Variants in EIF2B5 observed in about 807,000 individuals in gnomAD.
EIF2B5 encodes eukaryotic translation initiation factor 2B subunit epsilon, also known as translation initiation factor eIF2B subunit epsilon.
A neutral mutation model predicts 87.3 loss-of-function variants in EIF2B5; 38 were observed. That is an observed-to-expected ratio of 0.44 (90% CI 0.34 to 0.57). The LOEUF is 0.57. Ranked by LOEUF, EIF2B5 falls within the 20% of genes least tolerant of loss-of-function variation. The probability of loss-of-function intolerance (pLI) is 0.02; values close to 1 mark genes in which losing one functional copy is unlikely to be tolerated. For missense variants in EIF2B5, 784 were observed against 909.5 expected, an observed-to-expected ratio of 0.86 and a Z score of 1.78; for synonymous variants, 313 against 339.6, an observed-to-expected ratio of 0.92 and a Z score of 0.86.
At chr3:184,140,042 A>C (rs1051234451) in intron 5 of EIF2B5, 38 bp from the exon 6 acceptor site, 1 of 1,484,748 alleles carries the variant, frequency 6.7e-7, no homozygotes, top group Admixed American at 1.7e-5. Context: ...AAAAAAGAAT[A>C]GTACTTAATT....
At position 184,140,162 on chromosome 3, in the gene EIF2B5, G is replaced by GA. The variant is rs1713560799; in HGVS notation, c.843+9dup. ...GGTCTCTTAGTGAATGAGGAGGTGA[G>GA]AAAAGTCTTCCAATGCCTCTTTAGG... is the stretch of plus-strand genomic sequence containing the variant. On this transcript the variant is annotated splice_donor_region_variant and intron_variant, in intron 6 of 15. Coordinates refer to ENST00000648915, the MANE Select transcript of EIF2B5 (RefSeq NM_003907.3). 1 of 1,613,062 alleles carries GA rather than the reference G, an allele frequency of 6.2e-7. No individual in the cohort carries two copies. Among genetic ancestry groups the GA allele is most frequent in the East Asian group, 2.2e-5 (1 of 44,874 alleles).
rs201168782 is a variant in EIF2B5, at chr3:184,137,021, G to A, written c.320+285G>A. 3.4e-4 allele frequency: 147 copies of A among 436,932 alleles called. 1 individual carries two copies. Among genetic ancestry groups the A allele is most frequent in the East Asian group, 2.0e-3 (41 of 20,240 alleles). The allele number at this position is 436,932 out of a possible 1,614,324, so 27.1% of individuals were successfully genotyped here. A position where few individuals can be genotyped will look rare whatever the true frequency, so the allele number is the denominator to read the frequency against. On this transcript the variant is annotated intron_variant, in intron 2 of 15. Transcript: ENST00000648915. ...ACTTTGCTTTTATTTAATGGCTTCAGTATGGAAGTTACAATGATAACATCT... is the reference window on the plus strand; with the variant it reads ...ACTTTGCTTTTATTTAATGGCTTCAATATGGAAGTTACAATGATAACATCT...
At position 184,140,489 on chromosome 3, in the gene EIF2B5, G is replaced by A. The variant is rs1431803321; in HGVS notation, c.915G>A (p.Met305Ile). 6.2e-7 allele frequency: 1 copy of A among 1,613,948 alleles called. No homozygotes were observed. Among genetic ancestry groups the A allele is most frequent in the East Asian group, 2.2e-5 (1 of 44,890 alleles). Residue 305 changes from methionine (M) to isoleucine (I), a missense_variant, in exon 7 of 16, where the codon ATG becomes ATA. Physicochemically the swap from Met to Ile is conservative, Grantham distance 10. Coordinates refer to ENST00000648915, the MANE Select transcript of EIF2B5 (RefSeq NM_003907.3). ...GTGCCCGTGTCTCCAACCTACACATGTACTCAGCTGTCTGTGCTGACGTCA... is the reference window on the plus strand; with the variant it reads ...GTGCCCGTGTCTCCAACCTACACATATACTCAGCTGTCTGTGCTGACGTCA... ...EYGARVSNLHMYSAVCADVIR... is the reference protein window; with the variant it reads ...EYGARVSNLHIYSAVCADVIR...
At position 184,144,196 on chromosome 3, in the gene EIF2B5, A is replaced by G. The variant is rs768937004; in HGVS notation, c.1967A>G (p.His656Arg). The G allele has an allele frequency of 1.5e-5, 25 of 1,614,184 alleles. No individual in the cohort carries two copies. The highest frequency in any genetic ancestry group is 2.1e-5 in the Non-Finnish European group (25 of 1,180,040). The stretch of plus-strand genomic sequence containing the variant: ...GCCATTGAGGACTTCTTCCTAGAGC[A>G]TGAAGCTCTTGGTATTTCCATGGCC... The part of the protein sequence containing the change: ...LAAIEDFFLE[H>R]EALGISMAKV... Residue 656 changes from histidine to arginine, a missense_variant, in exon 14 of 16, where the codon CAT (histidine) becomes CGT (arginine). Physicochemically the swap from His to Arg is conservative, Grantham distance 29 (BLOSUM62 0). Coordinates refer to ENST00000648915, the MANE Select transcript of EIF2B5 (RefSeq NM_003907.3).
rs1713793708 is a variant in EIF2B5, at chr3:184,144,789, C to T, written c.2106+82C>T. ...CCCTAGACTCTAGGGTGGTTGGTTTCTGGGGCTCTGGTTGTTAGAGCTGTT... is the reference window on the plus strand; with the variant it reads ...CCCTAGACTCTAGGGTGGTTGGTTTTTGGGGCTCTGGTTGTTAGAGCTGTT... On this transcript the variant is annotated intron_variant, in intron 15 of 15. Coordinates refer to ENST00000648915, the MANE Select transcript of EIF2B5 (RefSeq NM_003907.3). The T allele has an allele frequency of 4.4e-6, 7 of 1,582,878 alleles. No individual in the cohort carries two copies. In the Middle Eastern group the frequency reaches 5.0e-4, roughly 114 times the overall value.
chr3:184,141,339 T>C (rs1713626194), intron 7 of EIF2B5, among the ~76,000 whole-genome samples: 1 of 152,162 alleles, frequency 6.6e-6, no homozygotes, highest in Non-Finnish European at 1.5e-5. Context: ...GAAGCCATGG[T>C]GGGAGGATCG....
intron 7 of EIF2B5, 45 bp from the exon 8 acceptor site, chr3:184,141,880 G>A (rs753068650): frequency 2.6e-5 from 42 of 1,612,820 alleles, no homozygotes; most frequent in East Asian, 6.7e-5. Flanking sequence ...TCTGCTCTGC[G>A]GTTGGAACCC....
Position 184,144,084 on chromosome 3 carries a change from T to C in EIF2B5, c.1870-15T>C. The C allele has an allele frequency of 6.2e-7, 1 of 1,614,232 alleles. No homozygotes were observed. The highest frequency in any genetic ancestry group is 8.5e-7 in the Non-Finnish European group (1 of 1,180,038). On this transcript the variant is annotated splice_polypyrimidine_tract_variant and intron_variant, in intron 13 of 15. Transcript: ENST00000648915. ...TGCTTAGGAATATACTGCAGCTCCC[T>C]TCTTTCTTCCATAGCTGCTAAAGGC...
At chr3:184,143,843 C>T in intron 13 of EIF2B5, 1 of 677,472 alleles carries the variant, frequency 1.5e-6, no homozygotes, top group Non-Finnish European at 2.5e-6. Flanking sequence ...AGCAATTTGA[C>T]CCAACACAAG....
rs768696645 is a variant in EIF2B5, at chr3:184,135,566, A to C, written c.181A>C (p.Lys61Gln). ...SFDRRFFPIS[K>Q]DQPRVLLPLA... ...CGATCGCCGCTTCTTCCCCATCTCC[A>C]AGGACCAGCCTCGGGTGAGCGCCGC... The change falls in exon 1 of 16, where the codon AAG becomes CAG. Residue 61 changes from lysine (K) to glutamine (Q), a missense_variant. Transcript: ENST00000648915. 2.5e-6 allele frequency: 4 copies of C among 1,589,546 alleles called. No homozygotes were observed. The highest frequency in any genetic ancestry group is 3.4e-6 in the Non-Finnish European group (4 of 1,169,390).
At chr3:184,144,730 C>G (rs563669983) in intron 15 of EIF2B5, 23 bp downstream of exon 15, 2 of 1,606,042 alleles carry the variant, frequency 1.2e-6, no homozygotes, top group African/African-American at 2.7e-5. Flanking sequence ...GTCCTCCTCT[C>G]GCCAAGATGG....
intron 13 of EIF2B5, 108 bp from the exon 14 acceptor site, chr3:184,143,991 G>A (rs1203682722): frequency 2.6e-6 from 4 of 1,526,150 alleles, no homozygotes; most frequent in Non-Finnish European, 3.6e-6. Context: ...CACAGAACCT[G>A]TATCATCTCC....
In EIF2B5 at chr3:184,144,577, C is replaced by T. The variant is rs1188784334; in HGVS notation, c.1996-20C>T. The T allele has an allele frequency of 1.2e-6, 2 of 1,609,754 alleles. No individual in the cohort carries two copies. Among genetic ancestry groups the T allele is most frequent in the Admixed American group, 1.7e-5 (1 of 59,982 alleles). On this transcript the variant is annotated intron_variant, in intron 14 of 15. Transcript: ENST00000648915. ...GGACTTTCCAAGGCCCCTGAGGTCCCCTTTATTGGCCTTTTGCAGGTACTG... is the reference window on the plus strand; with the variant it reads ...GGACTTTCCAAGGCCCCTGAGGTCCTCTTTATTGGCCTTTTGCAGGTACTG...
intron 5 of EIF2B5, among the ~76,000 whole-genome samples, chr3:184,139,192 A>C (rs1443982222): frequency 6.6e-6 from 1 of 151,108 alleles, no homozygotes; most frequent in Non-Finnish European, 1.5e-5. Flanking sequence ...GCTGGTCTCT[A>C]ACTCCTGACC....
chr3:184,142,185 G>T lies in EIF2B5; in HGVS notation c.1303-52G>T. On this transcript the variant is annotated intron_variant, in intron 8 of 15. Coordinates refer to ENST00000648915, the MANE Select transcript of EIF2B5 (RefSeq NM_003907.3). The surrounding 1 kb of genome is among the most constrained non-coding windows in gnomAD (Gnocchi z 5.0). ...TCTAAAAAAGTTGCTCTCATTATCAGGATGCACTTTTCCTCCACACCCTAA... is the reference window on the plus strand; with the variant it reads ...TCTAAAAAAGTTGCTCTCATTATCATGATGCACTTTTCCTCCACACCCTAA... The T allele has an allele frequency of 6.2e-7, 1 of 1,614,044 alleles. No homozygotes were observed. Among genetic ancestry groups the T allele is most frequent in the Non-Finnish European group, 8.5e-7 (1 of 1,179,996 alleles).
At chr3:184,141,879 C>A in intron 7 of EIF2B5, 46 bp from the exon 8 acceptor site, 1 of 1,612,238 alleles carries the variant, frequency 6.2e-7, no homozygotes, top group South Asian at 1.1e-5. Context: ...CTCTGCTCTG[C>A]GGTTGGAACC....
intron 13 of EIF2B5, chr3:184,143,805 A>G: frequency 1.5e-6 from 1 of 678,446 alleles, no homozygotes; most frequent in Non-Finnish European, 2.5e-6. Flanking sequence ...TATATTCAGA[A>G]TGGACCTGGA....
In EIF2B5 at chr3:184,144,872, G is replaced by A. The variant is rs1368238343; in HGVS notation, c.2107-12G>A. On this transcript the variant is annotated splice_polypyrimidine_tract_variant and intron_variant, in intron 15 of 15. Transcript: ENST00000648915. ...ACCTCCCCCAGCCGATCTCTCCTCT[G>A]CTTCTTTACAGCTGCAGAGGTTCAT... 9 of 1,613,422 alleles carry A rather than the reference G, an allele frequency of 5.6e-6. No individual in the cohort carries two copies. In the East Asian group the frequency reaches 1.1e-4, roughly 20 times the overall value.
At chr3:184,136,565 C>G in intron 1 of EIF2B5, 47 bp from the exon 2 acceptor site, 1 of 1,612,514 alleles carries the variant, frequency 6.2e-7, no homozygotes, top group Admixed American at 1.7e-5. Context: ...GTGGGGTACC[C>G]AAAGGGATTC....
Sources: allele counts gnomAD v4.1 joint callset (sites outside exome capture counted in the v4.1 genomes callset), GRCh38; gene constraint gnomAD v4.1.1; non-coding constraint Gnocchi (gnomAD v3.1); transcripts MANE v1.5; gene names NCBI Gene and HGNC (gene_info 2026-07-23, HGNC 2026-07-21).